EML2: variants seen among roughly 807,000 people sequenced by gnomAD.
EML2 encodes EMAP like 2.
EML2 carries 59 observed loss-of-function variants against 84.7 expected under a neutral mutation model. The ratio of observed to expected loss-of-function variants is 0.70; its 90% CI spans 0.56 to 0.86. The LOEUF (loss-of-function observed/expected upper bound fraction) is 0.86. EML2 is among the 40% of genes least tolerant of loss of function. The probability of loss-of-function intolerance (pLI) is 0.00; values close to 1 mark genes in which losing one functional copy is unlikely to be tolerated. For missense variants in EML2, 818 were observed against 855.6 expected (o/e 0.96, Z 0.55); for synonymous variants, 352 against 348.9 (o/e 1.01, Z -0.10).
At chr19:45,626,350 T>G (rs1972316953) in intron 8 of EML2, among the ~76,000 whole-genome samples, 1 of 150,310 alleles carries the variant, frequency 6.7e-6, no homozygotes, top group Non-Finnish European at 1.5e-5. Context: ...TAGGAACTGC[T>G]GTACTCTTCA....
chr19:45,615,868 G>T lies in EML2; in HGVS notation c.1531C>A (p.His511Asn). ...CTGCTGTCCTGGGCCCAATCCAGGT[G>T]GGTGATAAAACTGGAATGGCCCTGC... is the stretch of plus-strand genomic sequence containing the variant. ...KCSGHSSFIT[H>N]LDWAQDSSCF... Residue 511 changes from histidine to asparagine, a missense_variant, in exon 16 of 19, where the codon CAC (histidine) becomes AAC (asparagine). Coordinates refer to ENST00000245925, the MANE Select transcript of EML2 (RefSeq NM_012155.4). 2 of 1,613,928 alleles carry T rather than the reference G, an allele frequency of 1.2e-6. No individual in the cohort carries two copies. Among genetic ancestry groups the T allele is most frequent in the Non-Finnish European group, 1.7e-6 (2 of 1,179,892 alleles).
intron 16 of EML2, 116 bp downstream of exon 16, chr19:45,615,686 A>G (rs1970969618): frequency 1.1e-6 from 1 of 903,448 alleles, no homozygotes; most frequent in African/African-American, 1.6e-5. Flanking sequence ...CCAAATCAGA[A>G]CCAGCCTTGA....
At chr19:45,627,754 C>T (rs1213422924) in intron 7 of EML2, among the ~76,000 whole-genome samples, 1 of 152,170 alleles carries the variant, frequency 6.6e-6, no homozygotes, top group Non-Finnish European at 1.5e-5. Context: ...ATGCCCACCT[C>T]ATTGCAAATT....
chr19:45,620,844 C>G (rs769529953), intron 11 of EML2: 11 of 376,582 alleles, frequency 2.9e-5, no homozygotes, highest in Non-Finnish European at 5.2e-5. Context: ...AGAAGAAATG[C>G]AAGCAGACTC....
intron 8 of EML2, among the ~76,000 whole-genome samples, chr19:45,625,169 G>A (rs563611761): frequency 2.0e-4 from 30 of 152,228 alleles, no homozygotes; most frequent in African/African-American, 6.5e-4. Flanking sequence ...GGGTTCAAAC[G>A]ATTCTCCTGC....
Position 45,638,512 on chromosome 19 carries a change from C to G in EML2, c.172G>C (p.Glu58Gln), listed in dbSNP as rs201844947. Residue 58 changes from glutamate (E) to glutamine (Q), a missense_variant, in exon 3 of 19, where the codon GAG becomes CAG. By Grantham distance (29) the Glu-to-Gln change is conservative. Transcript: ENST00000245925. ...ATTCCAGCAAAAGGATACACCCACTCCAGCTTGAGCCGGCAAGAAGGCAGC... is the reference window on the plus strand; with the variant it reads ...ATTCCAGCAAAAGGATACACCCACTGCAGCTTGAGCCGGCAAGAAGGCAGC... ...SELPSCRLKLEWVYGYRGRDC... is the reference protein window; with the variant it reads ...SELPSCRLKLQWVYGYRGRDC... 1 of 1,614,074 alleles carries G rather than the reference C, an allele frequency of 6.2e-7. No individual in the cohort carries two copies. Among genetic ancestry groups the G allele is most frequent in the Non-Finnish European group, 8.5e-7 (1 of 1,180,024 alleles).
chr19:45,614,582 A>G, intron 17 of EML2, 23 bp downstream of exon 17: 1 of 1,600,160 alleles, frequency 6.2e-7, no homozygotes, highest in Non-Finnish European at 8.6e-7. Flanking sequence ...CCTCAGTGAG[A>G]CCTCTCTCAT....
chr19:45,643,421 C>T (rs553442282), upstream of EML2, among the ~76,000 whole-genome samples: 56 of 152,294 alleles, frequency 3.7e-4, no homozygotes, highest in African/African-American at 1.3e-3. Context: ...TTCTTTATTT[C>T]GCCTCTGTAC....
At chr19:45,633,902 G>T (rs1481992897) in intron 4 of EML2, among the ~76,000 whole-genome samples, 4 of 152,076 alleles carry the variant, frequency 2.6e-5, no homozygotes, top group African/African-American at 4.8e-5. Flanking sequence ...GAGCCACCTC[G>T]CTGCCCAGAT....
rs1971082302 is a variant in EML2 at position 45,616,453 on chromosome 19, C to T, written c.1509+8G>A. On this transcript the variant is annotated splice_region_variant and intron_variant, in intron 15 of 18. Transcript: ENST00000245925. ...GGCGGCGCGGGCTGGGGGCCACTGC[C>T]CACTCACCGAGCACTTGCCCAGGCG... 1.3e-6 allele frequency: 2 copies of T among 1,576,138 alleles called. No individual in the cohort carries two copies. The highest frequency in any genetic ancestry group is 1.1e-5 in the South Asian group (1 of 88,786).
At chr19:45,645,393 C>T, upstream of EML2, 1 of 1,498,058 alleles carries the variant, frequency 6.7e-7, no homozygotes, top group Non-Finnish European at 8.8e-7. Flanking sequence ...GCCCGGTCCC[C>T]CCAACCAGGC....
chr19:45,641,765 A>C, upstream of EML2: 1 of 1,535,824 alleles, frequency 6.5e-7, no homozygotes, highest in Non-Finnish European at 8.7e-7. Context: ...GAGAGCACAC[A>C]GGTGGGGGCA....
chr19:45,643,754 T>C, upstream of EML2: 4 of 1,509,268 alleles, frequency 2.7e-6, no homozygotes, highest in Non-Finnish European at 3.5e-6. Context: ...CCTCCTTCCC[T>C]TCGTAGCCCA....
upstream of EML2, chr19:45,641,397 A>AGACCT (rs3073174): frequency 0.16 from 78,903 of 508,076 alleles, 6,579 homozygotes; most frequent in East Asian, 0.25. Context: ...CTCACCCAGT[A>AGACCT]GACCTGACCG....
Position 45,638,628 on chromosome 19 carries a change from C to T in EML2, c.56G>A (p.Gly19Asp). 5 of 1,613,760 alleles carry T rather than the reference C, an allele frequency of 3.1e-6. No individual in the cohort carries two copies. The highest frequency in any genetic ancestry group is 4.2e-6 in the Non-Finnish European group (5 of 1,179,918). The change falls in exon 3 of 19, where the codon GGC (glycine) becomes GAC (aspartate). Residue 19 changes from glycine (G) to aspartate (D), a missense_variant. Physicochemically the swap from Gly to Asp is moderately conservative, Grantham distance 94. Coordinates refer to ENST00000245925, the MANE Select transcript of EML2 (RefSeq NM_012155.4). ...TKEVIFSVED[G>D]SVKMFLRGRP... ...GCCCCTCAGGAACATTTTCACGGAG[C>T]CATCCTCTGCCAGGACACCCCCAGA...
upstream of EML2, chr19:45,641,023 T>G (rs1974424134): frequency 1.3e-5 from 2 of 152,854 alleles, no homozygotes; most frequent in South Asian, 2.0e-4. Context: ...CATTTTCACG[T>G]ATTCCTTATG....
At chr19:45,640,634 G>C (rs1020324805), upstream of EML2, 3 of 152,274 alleles carry the variant, frequency 2.0e-5, no homozygotes, top group South Asian at 6.2e-4. Context: ...GGCCAGGATG[G>C]TCTCGATCTC....
chr19:45,626,342 G>C (rs1972316203), intron 8 of EML2, among the ~76,000 whole-genome samples: 1 of 149,144 alleles, frequency 6.7e-6, no homozygotes, highest in Admixed American at 6.7e-5. Context: ...CTATCTGCTA[G>C]GAACTGCTGT....
intron 3 of EML2, among the ~76,000 whole-genome samples, chr19:45,637,672 T>A (rs1322694348): frequency 8.6e-5 from 8 of 92,538 alleles, no homozygotes; most frequent in African/African-American, 2.2e-4. Flanking sequence ...CTTTTCTTTT[T>A]TTTTTTTTTT....
Sources: allele counts gnomAD v4.1 joint callset (sites outside exome capture counted in the v4.1 genomes callset), GRCh38; gene constraint gnomAD v4.1.1; transcripts MANE v1.5; gene names NCBI Gene and HGNC (gene_info 2026-07-23, HGNC 2026-07-21).